Variants in TRIM38 observed in about 807,000 individuals in gnomAD.
The protein encoded by TRIM38 is E3 ubiquitin-protein ligase TRIM38.
TRIM38 carries 35 observed loss-of-function variants against 35.8 expected under a neutral mutation model. The ratio of observed to expected loss-of-function variants is 0.98; its 90% CI spans 0.75 to 1.30. The LOEUF (loss-of-function observed/expected upper bound fraction) is 1.30, where lower values mean the gene tolerates loss of function less well. Ranked by LOEUF, TRIM38 falls within the 50% of genes most tolerant of loss-of-function variation. The pLI, the probability that TRIM38 is intolerant of heterozygous loss-of-function variation, is 0.00. For missense variants in TRIM38, 545 were observed against 556.9 expected (o/e 0.98, Z 0.21); for synonymous variants, 198 against 204.7 (o/e 0.97, Z 0.28).
intron 7 of TRIM38, among the ~76,000 whole-genome samples, chr6:25,982,417 T>C (rs1013374484): frequency 6.6e-6 from 1 of 152,242 alleles, no homozygotes; most frequent in Admixed American, 6.5e-5. Flanking sequence ...CACCAATAAA[T>C]AGTGTGGGCT....
intron 7 of TRIM38, chr6:25,974,908 AG>A (rs1407773836): frequency 2.0e-6 from 2 of 985,334 alleles, no homozygotes; most frequent in African/African-American, 3.5e-5. Flanking sequence ...TACAGATGAC[AG>A]GAAGGAAGAA....
At chr6:25,969,990 T>C (rs767701613) in intron 4 of TRIM38, among the ~76,000 whole-genome samples, 1 of 152,174 alleles carries the variant, frequency 6.6e-6, no homozygotes, top group Non-Finnish European at 1.5e-5. Context: ...CGATCTCAGC[T>C]CACTGCAATG....
At chr6:25,971,712 C>A (rs1424947532) in intron 4 of TRIM38, among the ~76,000 whole-genome samples, 157 bp from the exon 5 acceptor site, 1 of 152,198 alleles carries the variant, frequency 6.6e-6, no homozygotes, top group Non-Finnish European at 1.5e-5. Flanking sequence ...CAAAGTCTTA[C>A]AATATTTGCC....
chr6:25,981,569 T>G (rs974075878), intron 7 of TRIM38, among the ~76,000 whole-genome samples: 6 of 152,260 alleles, frequency 3.9e-5, no homozygotes, highest in Non-Finnish European at 8.8e-5. Flanking sequence ...CAGATCTTTT[T>G]TCTGTCTTGT....
rs1267065134 is a variant in TRIM38 at position 25,986,615 on chromosome 6, G to A, written c.*2928G>A. 1 of 150,832 alleles carries A rather than the reference G, an allele frequency of 6.6e-6. No individual in the cohort carries two copies. Among genetic ancestry groups the A allele is most frequent in the Non-Finnish European group, 1.5e-5 (1 of 67,802 alleles). 9.3% of individuals were successfully genotyped at this position (150,832 alleles called of 1,614,324 possible). On this transcript the variant is annotated 3_prime_UTR_variant, in exon 8 of 8. Coordinates refer to ENST00000357085, the MANE Select transcript of TRIM38 (RefSeq NM_006355.5). Reference sequence around the variant, plus strand: ...TGGCTGATTTTTTTTTTAAGGAAAAGCAATTCATGTACCCTTGAAGATTAG... The same window carrying A: ...TGGCTGATTTTTTTTTTAAGGAAAAACAATTCATGTACCCTTGAAGATTAG...
chr6:25,983,086 C>CAAAAT (rs927259480), intron 7 of TRIM38, 78 bp from the exon 8 acceptor site: 48 of 1,434,366 alleles, frequency 3.3e-5, no homozygotes, highest in African/African-American at 7.2e-5. Flanking sequence ...CACTCCATCT[C>CAAAAT]AAAATAAAAT....
chr6:25,975,760 T>C (rs1000074104), intron 7 of TRIM38: 4 of 885,768 alleles, frequency 4.5e-6, no homozygotes, highest in Non-Finnish European at 5.4e-6. Flanking sequence ...TTACTTTTTA[T>C]GTCTAATATT....
chr6:25,971,750 A>G (rs1581601392), intron 4 of TRIM38, 119 bp from the exon 5 acceptor site: 5 of 853,662 alleles, frequency 5.9e-6, no homozygotes, highest in East Asian at 2.6e-5. Flanking sequence ...TTTTGCTTGA[A>G]TGTCTTCAAG....
At chr6:25,980,044 C>G (rs1760500965) in intron 7 of TRIM38, among the ~76,000 whole-genome samples, 1 of 152,098 alleles carries the variant, frequency 6.6e-6, no homozygotes, top group South Asian at 2.1e-4. Flanking sequence ...TTTATTGAAA[C>G]TTGTTCAGAC....
At chr6:25,978,657 T>A (rs558571135) in intron 7 of TRIM38, among the ~76,000 whole-genome samples, 1 of 152,064 alleles carries the variant, frequency 6.6e-6, no homozygotes, top group South Asian at 2.1e-4. Context: ...CAGGCCACCA[T>A]ACCTGGCTAA....
rs777725261 is a variant in TRIM38, at chr6:25,983,676, C to G, written c.1387C>G (p.Pro463Ala). The part of the protein sequence containing the change: ...YQYSPLFLPP[P>A]GD ...ATATTCTCCTTTGTTTCTGCCTCCC[C>G]CAGGTGACTAAGGAAAAGAGCAGAA... The change falls in exon 8 of 8, where the codon CCA (proline) becomes GCA (alanine). Residue 463 changes from proline (P) to alanine (A), a missense_variant. Pro to Ala is a conservative substitution (Grantham distance 27). Coordinates refer to ENST00000357085, the MANE Select transcript of TRIM38 (RefSeq NM_006355.5). 6.3e-7 allele frequency: 1 copy of G among 1,582,534 alleles called. No homozygotes were observed. The highest frequency in any genetic ancestry group is 8.6e-7 in the Non-Finnish European group (1 of 1,166,854).
chr6:25,973,939 AATGGAAAGTTTTATC>A (rs1379290174), intron 7 of TRIM38: 2 of 919,536 alleles, frequency 2.2e-6, no homozygotes, highest in East Asian at 2.4e-4. Context: ...AACCCCTGAA[AATGGAAAGTTTTATC>A]ATGATTCATT....
At chr6:25,974,953 T>C (rs1239496273) in intron 7 of TRIM38, 2 of 985,244 alleles carry the variant, frequency 2.0e-6, no homozygotes, top group Non-Finnish European at 2.4e-6. Context: ...GGGATTTCAC[T>C]GAGTCAATTT....
At chr6:25,971,569 C>T (rs1227916483) in intron 4 of TRIM38, among the ~76,000 whole-genome samples, 3 of 152,208 alleles carry the variant, frequency 2.0e-5, no homozygotes, top group Non-Finnish European at 4.4e-5. Context: ...TCAGTTTCAT[C>T]TTTCATCTTC....
In TRIM38 at chr6:25,989,753, CTG is replaced by C. The variant is rs1453948572; in HGVS notation, c.*6067_*6068del. The C allele has an allele frequency of 6.6e-6, 1 of 151,922 alleles. No homozygotes were observed. Among genetic ancestry groups the C allele is most frequent in the Non-Finnish European group, 1.5e-5 (1 of 67,992 alleles). The allele number at this position is 151,922 out of a possible 1,614,324, so 9.4% of individuals were successfully genotyped here. On this transcript the variant is annotated 3_prime_UTR_variant, in exon 8 of 8. Transcript: ENST00000357085. ...TAGTTTTCTAACAAAATCTTCATAACTGAAATAATTTCTCTTTATCACCTCTT... is the reference window on the plus strand; with the variant it reads ...TAGTTTTCTAACAAAATCTTCATAACAAATAATTTCTCTTTATCACCTCTT...
At chr6:25,963,743 C>G (rs1270106453) in intron 2 of TRIM38, among the ~76,000 whole-genome samples, 2 of 152,168 alleles carry the variant, frequency 1.3e-5, no homozygotes, top group Non-Finnish European at 2.9e-5. Context: ...TAAACCGGTT[C>G]TTCTGGTTGT....
rs59539108 is a variant in TRIM38 at position 25,989,510 on chromosome 6, C to CTTTTTTTTT, written c.*5839_*5847dup. 2.9e-4 allele frequency: 27 copies of CTTTTTTTTT among 93,684 alleles called. No individual in the cohort carries two copies. Among genetic ancestry groups the CTTTTTTTTT allele is most frequent in the Non-Finnish European group, 4.6e-4 (21 of 45,608 alleles). The allele number at this position is 93,684 out of a possible 1,614,324, so 5.8% of individuals were successfully genotyped here. A position where few individuals can be genotyped will look rare whatever the true frequency, so the allele number is the denominator to read the frequency against. ...GCTATTGTTAGCAAGGTCTTGTATT[C>CTTTTTTTTT]TTTTTTTTTTTTTTTTTTTTTTTTA... On this transcript the variant is annotated 3_prime_UTR_variant, in exon 8 of 8. Transcript: ENST00000357085.
Position 25,963,914 on chromosome 6 carries a change from A to AAACAACAACAACAACAAC in TRIM38, c.-189+646_-189+647insCAACAACAACAACAACAA, listed in dbSNP as rs55782472. 1.3e-4 allele frequency among the ~76,000 whole-genome samples: 19 copies of AAACAACAACAACAACAAC among 151,076 alleles called. No individual in the cohort carries two copies. The South Asian group carries it at 3.6e-3, about 28-fold the overall frequency. On this transcript the variant is annotated intron_variant, in intron 2 of 7. Coordinates refer to ENST00000357085, the MANE Select transcript of TRIM38 (RefSeq NM_006355.5). The stretch of plus-strand genomic sequence containing the variant: ...ATTATACCTCTGCTCCTGAAAGCAA[A>AAACAACAACAACAACAAC]AACAACAACAACAAAAACACAAACA...
Position 25,973,268 on chromosome 6 carries a change from T to TG in TRIM38, c.858dup (p.Leu287ValfsTer7), listed in dbSNP as rs1760295281. On this transcript the variant is annotated frameshift_variant, in exon 7 of 8. Transcript: ENST00000357085. LOFTEE classifies it low-confidence loss of function (END_TRUNC). ...AAGCTTTACTTCGATGTGAAGAAAA[T>TG]GTTAAGGAGTCATCAAGGTATGTTC... 1 of 1,613,506 alleles carries TG rather than the reference T, an allele frequency of 6.2e-7. No individual in the cohort carries two copies. Among genetic ancestry groups the TG allele is most frequent in the African/African-American group, 1.3e-5 (1 of 74,882 alleles).
Sources: gnomAD v4.1 joint callset for allele counts (sites outside exome capture counted in the v4.1 genomes callset) on GRCh38, gnomAD v4.1.1 for gene constraint, MANE v1.5 for transcripts, NCBI Gene and HGNC (gene_info 2026-07-23, HGNC 2026-07-21) for gene names.